Variants in UNC5D observed in about 807,000 individuals in gnomAD.
UNC5D encodes netrin receptor UNC5D.
In UNC5D, 39 loss-of-function variants were observed where a neutral mutation model predicts 105.4. The observed-to-expected ratio is 0.37, with a 90% CI of 0.29 to 0.48. The LOEUF (loss-of-function observed/expected upper bound fraction) is 0.48. Ranked by LOEUF, UNC5D falls within the 20% of genes least tolerant of loss-of-function variation. UNC5D has a pLI of 0.98. For synonymous variants in UNC5D, 452 were observed against 450.4 expected (o/e 1.00, Z -0.04); for missense variants, 991 against 1,202.4 (o/e 0.82, Z 2.60).
chr8:35,443,246 G>A (rs533071015), intron 1 of UNC5D, among the ~76,000 whole-genome samples: 39 of 151,848 alleles, frequency 2.6e-4, no homozygotes, highest in African/African-American at 9.4e-4. Flanking sequence ...TGTACCTACT[G>A]TGTGTGCTGT....
At chr8:35,749,558 C>T (rs532176155) in intron 12 of UNC5D, among the ~76,000 whole-genome samples, 3 of 152,276 alleles carry the variant, frequency 2.0e-5, no homozygotes, top group Admixed American at 2.0e-4. Context: ...AATGGATTAC[C>T]TTTACCCTGC....
chr8:35,674,709 G>A (rs561890282), intron 4 of UNC5D, among the ~76,000 whole-genome samples: 4 of 152,238 alleles, frequency 2.6e-5, no homozygotes, highest in East Asian at 1.9e-4. Context: ...AGGCTTCCTC[G>A]TGCTTCCGGG....
intron 1 of UNC5D, among the ~76,000 whole-genome samples, chr8:35,368,421 C>G (rs1179328313): frequency 6.6e-6 from 1 of 152,088 alleles, no homozygotes; most frequent in Non-Finnish European, 1.5e-5. Flanking sequence ...GATATCTTTA[C>G]AGTTCATTCC....
At chr8:35,428,956 T>C (rs944724138) in intron 1 of UNC5D, among the ~76,000 whole-genome samples, 4 of 152,138 alleles carry the variant, frequency 2.6e-5, no homozygotes, top group Non-Finnish European at 5.9e-5. Context: ...TGTTAATTGA[T>C]TCGTCATTGA....
intron 1 of UNC5D, among the ~76,000 whole-genome samples, chr8:35,238,798 A>T (rs1165517223): frequency 6.6e-6 from 1 of 152,210 alleles, no homozygotes; most frequent in Non-Finnish European, 1.5e-5. Context: ...TGGCAAGAGA[A>T]GTACACATTT....
At chr8:35,238,025 G>T (rs1294758176) in intron 1 of UNC5D, among the ~76,000 whole-genome samples, 2 of 152,120 alleles carry the variant, frequency 1.3e-5, no homozygotes, top group African/African-American at 4.8e-5. Flanking sequence ...ATACTCTCTA[G>T]GATTAGCCCT....
chr8:35,585,947 A>G (rs1818767736), intron 3 of UNC5D, among the ~76,000 whole-genome samples: 1 of 152,100 alleles, frequency 6.6e-6, no homozygotes, highest in African/African-American at 2.4e-5. Context: ...GGAACAGCCT[A>G]ATATCAATAA....
At chr8:35,603,003 A>T (rs1046580211) in intron 4 of UNC5D, among the ~76,000 whole-genome samples, 11 of 151,470 alleles carry the variant, frequency 7.3e-5, no homozygotes, top group African/African-American at 2.7e-4. Context: ...CAGCTGCTGG[A>T]TTCATTGATT....
chr8:35,663,562 C>G (rs546647409), intron 4 of UNC5D, among the ~76,000 whole-genome samples: 4 of 152,224 alleles, frequency 2.6e-5, no homozygotes, highest in African/African-American at 4.8e-5. Flanking sequence ...CTGGCATGCT[C>G]TGGTGCTGGT....
intron 16 of UNC5D, among the ~76,000 whole-genome samples, chr8:35,787,109 G>A (rs58260432): frequency 3.9e-5 from 6 of 151,960 alleles, no homozygotes; most frequent in Admixed American, 6.6e-5. Flanking sequence ...ATGTGGCCCC[G>A]AAAACCAAAA....
intron 4 of UNC5D, among the ~76,000 whole-genome samples, chr8:35,618,262 G>A (rs558275028): frequency 1.3e-5 from 2 of 152,324 alleles, no homozygotes; most frequent in African/African-American, 4.8e-5. Context: ...TACCAGTGGA[G>A]ATGCCGTAGT....
Position 35,748,684 on chromosome 8 carries a change from G to A in UNC5D, c.1924G>A (p.Gly642Ser). ...CCATTTAAAGAAGAGGACACAGCAG[G>A]GCAAATGGGAGGTGAGACCCTTTAC... ...NIHLKKRTQQGKWEEVMSVED... is the reference protein window; with the variant it reads ...NIHLKKRTQQSKWEEVMSVED... Residue 642 changes from glycine (G) to serine (S), a missense_variant, in exon 12 of 17, where the codon GGC (glycine) becomes AGC (serine). Around this residue, in one of 3 missense-constraint regions of UNC5D, gnomAD observed 944 missense variants for 1,131.6 expected, o/e 0.83. Coordinates refer to ENST00000404895, the MANE Select transcript of UNC5D (RefSeq NM_080872.4). 6.2e-7 allele frequency: 1 copy of A among 1,612,908 alleles called. No individual in the cohort carries two copies. Among genetic ancestry groups the A allele is most frequent in the African/African-American group, 1.3e-5 (1 of 74,970 alleles).
intron 7 of UNC5D, among the ~76,000 whole-genome samples, chr8:35,699,495 GA>G (rs1226132179): frequency 2.6e-5 from 4 of 152,128 alleles, no homozygotes; most frequent in African/African-American, 9.7e-5. Context: ...TCAACTCATA[GA>G]AGTTGTTATT....
chr8:35,290,207 G>A (rs373512242), intron 1 of UNC5D, among the ~76,000 whole-genome samples: 1 of 152,232 alleles, frequency 6.6e-6, no homozygotes, highest in East Asian at 1.9e-4. Context: ...GATGTTCATT[G>A]CAGCATTATT....
intron 1 of UNC5D, among the ~76,000 whole-genome samples, chr8:35,384,359 T>C (rs1803249689): frequency 6.6e-6 from 1 of 152,196 alleles, no homozygotes; most frequent in African/African-American, 2.4e-5. Context: ...TGACACATGG[T>C]ACGTACTATA....
At chr8:35,454,637 A>G (rs1585879984) in intron 1 of UNC5D, among the ~76,000 whole-genome samples, 1 of 152,192 alleles carries the variant, frequency 6.6e-6, no homozygotes, top group East Asian at 1.9e-4. Context: ...TGTCCCTACA[A>G]GCCCACACTC....
chr8:35,581,226 C>T lies in UNC5D; in HGVS notation c.466+12985C>T, dbSNP rs956651646. Among the ~76,000 whole-genome samples, 26 of 152,220 alleles carry T rather than the reference C, an allele frequency of 1.7e-4. No homozygotes were observed. The East Asian group carries it at 4.8e-3, about 28-fold the overall frequency. ...CTGTAAATATTGTAGTATTCTAGAT[C>T]TCCATCTTGAGGCCTCTTCCCTCCA... is the stretch of plus-strand genomic sequence containing the variant. On this transcript the variant is annotated intron_variant, in intron 3 of 16. Coordinates refer to ENST00000404895, the MANE Select transcript of UNC5D (RefSeq NM_080872.4).
At chr8:35,334,488 G>C (rs551448657) in intron 1 of UNC5D, among the ~76,000 whole-genome samples, 3 of 151,534 alleles carry the variant, frequency 2.0e-5, no homozygotes, top group African/African-American at 7.3e-5. Context: ...TTTTTTTTTG[G>C]TATAATTAAC....
chr8:35,749,812 C>T (rs1830176427), intron 12 of UNC5D, among the ~76,000 whole-genome samples: 1 of 152,076 alleles, frequency 6.6e-6, no homozygotes, highest in African/African-American at 2.4e-5. Flanking sequence ...CTCTATCAAA[C>T]CAGTCACATA....
Sources: gnomAD v4.1 joint callset for allele counts (sites outside exome capture counted in the v4.1 genomes callset) on GRCh38, gnomAD v4.1.1 for gene constraint, gnomAD v4.1.1 regional missense constraint, MANE v1.5 for transcripts, NCBI Gene and HGNC (gene_info 2026-07-23, HGNC 2026-07-21) for gene names.